Variants in PCDH15 observed in about 807,000 individuals in gnomAD.
The protein encoded by PCDH15 is protocadherin-15.
Under a neutral mutation model 178.5 loss-of-function variants are expected in PCDH15, and 129 were observed. That is an observed-to-expected ratio of 0.72 (90% CI 0.63 to 0.84). The LOEUF (loss-of-function observed/expected upper bound fraction) is 0.84. Among genes scored for constraint, PCDH15 ranks in the 40% least tolerant of loss-of-function variants. PCDH15 has a pLI of 0.00. For missense variants in PCDH15, 2,230 were observed against 2,099.9 expected, an observed-to-expected ratio of 1.06 and a Z score of -1.21; for synonymous variants, 800 against 732.0, an observed-to-expected ratio of 1.09 and a Z score of -1.50.
At chr10:53,970,913 G>T (rs1287068742) in intron 21 of PCDH15, among the ~76,000 whole-genome samples, 3 of 152,128 alleles carry the variant, frequency 2.0e-5, no homozygotes, top group Non-Finnish European at 4.4e-5. Flanking sequence ...AATAGAAAAA[G>T]AAGGAATCCT....
chr10:53,959,868 G>A (rs1185689017), intron 22 of PCDH15, 24 bp from the exon 23 acceptor site: 7 of 1,567,222 alleles, frequency 4.5e-6, no homozygotes, highest in South Asian at 1.1e-5. Context: ...AAAAATTCAT[G>A]TTAAAGATTA....
chr10:54,791,853 T>C (rs2133565744), intron 1 of PCDH15, among the ~76,000 whole-genome samples: 1 of 152,076 alleles, frequency 6.6e-6, no homozygotes, highest in East Asian at 1.9e-4. Flanking sequence ...TTCTCATTTC[T>C]GCTCTCATCT....
At chr10:54,060,935 A>T (rs1035611632) in intron 18 of PCDH15, among the ~76,000 whole-genome samples, 1 of 152,054 alleles carries the variant, frequency 6.6e-6, no homozygotes, top group Non-Finnish European at 1.5e-5. Flanking sequence ...TTTTAAAGGT[A>T]AGTGGCTGGA....
At chr10:54,488,472 C>T (rs1288949008) in intron 3 of PCDH15, among the ~76,000 whole-genome samples, 1 of 151,600 alleles carries the variant, frequency 6.6e-6, no homozygotes, top group Non-Finnish European at 1.5e-5. Flanking sequence ...ATGTGTATGG[C>T]CGTCAGATAT....
chr10:55,402,515 T>A (rs1292540004), intron 2 of PCDH15, among the ~76,000 whole-genome samples: 8 of 151,908 alleles, frequency 5.3e-5, no homozygotes, highest in Non-Finnish European at 1.2e-4. Context: ...CTTTCCTCTC[T>A]CTCCAGCCTC....
chr10:54,194,736 C>CTA (rs1315226977), intron 11 of PCDH15, among the ~76,000 whole-genome samples: 3 of 136,614 alleles, frequency 2.2e-5, no homozygotes, highest in African/African-American at 6.9e-5. Context: ...ATCTATCTAT[C>CTA]TATCTATATA....
At position 54,402,359 on chromosome 10, in the gene PCDH15, T is replaced by TA. The variant is rs570713765; in HGVS notation, c.158-23418dup. ...TAGTTGGAATTCCTAGCCACTGAAATAAAGCAAGGATCAATGACATATATT... is the reference window on the plus strand; with the variant it reads ...TAGTTGGAATTCCTAGCCACTGAAATAAAAGCAAGGATCAATGACATATATT... On this transcript the variant is annotated intron_variant, in intron 3 of 37. Coordinates refer to ENST00000644397, the MANE Select transcript of PCDH15 (RefSeq NM_001384140.1). 3.3e-5 allele frequency among the ~76,000 whole-genome samples: 5 copies of TA among 152,052 alleles called. No homozygotes were observed. In the South Asian group the frequency reaches 1.0e-3, roughly 31 times the overall value.
intron 1 of PCDH15, among the ~76,000 whole-genome samples, chr10:55,206,280 G>T (rs1840399201): frequency 6.6e-6 from 1 of 152,062 alleles, no homozygotes; most frequent in African/African-American, 2.4e-5. Flanking sequence ...TCCAAATCTG[G>T]AAAACTTAAA....
At chr10:55,440,691 G>C (rs1347461591) in intron 2 of PCDH15, among the ~76,000 whole-genome samples, 2 of 152,076 alleles carry the variant, frequency 1.3e-5, no homozygotes, top group African/African-American at 4.8e-5. Flanking sequence ...AGAGTCAAGA[G>C]GCCAGGAGTA....
intron 18 of PCDH15, among the ~76,000 whole-genome samples, chr10:54,050,525 G>A (rs550922926): frequency 6.6e-6 from 1 of 151,926 alleles, no homozygotes; most frequent in South Asian, 2.1e-4. Flanking sequence ...TGGTTTCATT[G>A]ATCCTTTATA....
intron 29 of PCDH15, among the ~76,000 whole-genome samples, chr10:53,832,024 A>T (rs7074365): frequency 0.38 from 58,100 of 151,334 alleles, 11,781 homozygotes; most frequent in East Asian, 0.75. Context: ...CCAAACTAAG[A>T]TTTCAGACTC....
intron 18 of PCDH15, among the ~76,000 whole-genome samples, chr10:54,033,252 A>T (rs1054642474): frequency 2.6e-5 from 4 of 151,974 alleles, no homozygotes; most frequent in South Asian, 4.1e-4. Flanking sequence ...AACCTTTTTC[A>T]TTATCAACTC....
intron 2 of PCDH15, among the ~76,000 whole-genome samples, chr10:55,460,930 A>G (rs907967236): frequency 2.0e-5 from 3 of 152,116 alleles, no homozygotes; most frequent in African/African-American, 7.2e-5. Context: ...GGATCCATGC[A>G]GTGCTCATCA....
At chr10:54,917,759 A>G (rs1349417901) in intron 2 of PCDH15, among the ~76,000 whole-genome samples, 2 of 152,214 alleles carry the variant, frequency 1.3e-5, no homozygotes, top group Non-Finnish European at 2.9e-5. Context: ...TTTGGATACC[A>G]TAAAAATGGG....
intron 1 of PCDH15, among the ~76,000 whole-genome samples, chr10:55,198,612 G>A (rs1840158376): frequency 6.6e-6 from 1 of 151,674 alleles, no homozygotes; most frequent in Non-Finnish European, 1.5e-5. Context: ...TCAGCCTCCC[G>A]AATAGCTGGG....
chr10:55,556,328 C>T (rs574333454), intron 2 of PCDH15, among the ~76,000 whole-genome samples: 10 of 152,258 alleles, frequency 6.6e-5, no homozygotes, highest in Non-Finnish European at 1.3e-4. Flanking sequence ...CTAAGATTTA[C>T]ATTAAAGAAT....
intron 14 of PCDH15, among the ~76,000 whole-genome samples, chr10:54,133,886 C>T (rs1758922288): frequency 1.4e-5 from 2 of 142,770 alleles, no homozygotes; most frequent in Admixed American, 7.0e-5. Flanking sequence ...CATATATACA[C>T]ATATATACAC....
At chr10:55,266,622 C>T (rs1842303183) in intron 1 of PCDH15, among the ~76,000 whole-genome samples, 1 of 152,162 alleles carries the variant, frequency 6.6e-6, no homozygotes, top group Non-Finnish European at 1.5e-5. Context: ...GGCAGAGATT[C>T]ACAAGCAGCT....
intron 2 of PCDH15, among the ~76,000 whole-genome samples, chr10:55,554,020 G>A (rs953216270): frequency 2.0e-5 from 3 of 151,920 alleles, no homozygotes; most frequent in African/African-American, 7.2e-5. Flanking sequence ...TCACAATTAA[G>A]GTTGTACTCT....
Sources: gnomAD v4.1 joint callset for allele counts (sites outside exome capture counted in the v4.1 genomes callset) on GRCh38, gnomAD v4.1.1 for gene constraint, MANE v1.5 for transcripts, NCBI Gene and HGNC (gene_info 2026-07-23, HGNC 2026-07-21) for gene names.